LMF1: variants seen among roughly 807,000 people sequenced by gnomAD.
LMF1 encodes transmembrane protein 112.
A neutral mutation model predicts 60.6 loss-of-function variants in LMF1; 68 were observed. The observed-to-expected ratio is 1.12, with a 90% CI of 0.92 to 1.37. The LOEUF is 1.37. Ranked by LOEUF, LMF1 falls within the 40% of genes most tolerant of loss-of-function variation. The probability of loss-of-function intolerance (pLI) is 0.00; values close to 1 mark genes in which losing one functional copy is unlikely to be tolerated. For synonymous variants in LMF1, 418 were observed against 324.7 expected, an observed-to-expected ratio of 1.29 and a Z score of -3.09; for missense variants, 948 against 767.2, an observed-to-expected ratio of 1.24 and a Z score of -2.78.
intron 3 of LMF1, chr16:931,823 G>A (rs1277469887): frequency 7.9e-7 from 1 of 1,273,040 alleles, no homozygotes; most frequent in Admixed American, 2.3e-5. Flanking sequence ...ATGAAACTCA[G>A]GCTCACGAGG....
Position 854,126 on chromosome 16 carries a change from G to C in LMF1, c.*406C>G. On this transcript the variant is annotated 3_prime_UTR_variant, in exon 11 of 11. Coordinates refer to ENST00000262301, the MANE Select transcript of LMF1 (RefSeq NM_022773.4). Reference sequence around the variant, plus strand: ...GGAACACACCATTGAAGAGGGAACAGAAACCAGGCCCTGGGACGCTAGAGA... The same window carrying C: ...GGAACACACCATTGAAGAGGGAACACAAACCAGGCCCTGGGACGCTAGAGA... 1 of 465,734 alleles carries C rather than the reference G, an allele frequency of 2.1e-6. No individual in the cohort carries two copies. The highest frequency in any genetic ancestry group is 4.3e-6 in the Non-Finnish European group (1 of 234,946). 28.9% of individuals were successfully genotyped at this position (465,734 alleles called of 1,614,324 possible).
rs560472318 is a variant in LMF1, at chr16:862,845, G to C, written c.1529+6099C>G. Among the ~76,000 whole-genome samples the C allele has an allele frequency of 5.9e-5, 9 of 152,288 alleles. No individual in the cohort carries two copies. The South Asian group carries it at 8.3e-4, about 14-fold the overall frequency. On this transcript the variant is annotated intron_variant, in intron 10 of 10. Coordinates refer to ENST00000262301, the MANE Select transcript of LMF1 (RefSeq NM_022773.4). ...TGCACTCCAGCCTGGGTGACAGAGA[G>C]TGAGAACCTGTCTCAAAAAATAAAT...
In LMF1 at chr16:955,131, A is replaced by G. The variant is rs1371102675; in HGVS notation, c.194-465T>C. Among the ~76,000 whole-genome samples the G allele has an allele frequency of 6.2e-5, 9 of 145,868 alleles. 1 individual carries two copies. Among genetic ancestry groups the G allele is most frequent in the Non-Finnish European group, 1.0e-4 (7 of 67,034 alleles). On this transcript the variant is annotated intron_variant, in intron 1 of 10. Coordinates refer to ENST00000262301, the MANE Select transcript of LMF1 (RefSeq NM_022773.4). ...ACACACACACACATCTAAGTAAACT[A>G]GACAAGTTACATAAAATGCGTGCCT...
chr16:870,052 C>T lies in LMF1; in HGVS notation c.1247G>A (p.Arg416Gln), dbSNP rs762640109. 1.9e-5 allele frequency: 31 copies of T among 1,609,622 alleles called. No homozygotes were observed. The highest frequency in any genetic ancestry group is 4.5e-5 in the East Asian group (2 of 44,878). ...YGAFGSITKERAEVILQGTAS... is the reference protein window; with the variant it reads ...YGAFGSITKEQAEVILQGTAS... ...TGTGCCCTGCAGGATCACCTCCGCCCGCTCCTTGGTGATGCTGCCGGGAGA... is the reference window on the plus strand; with the variant it reads ...TGTGCCCTGCAGGATCACCTCCGCCTGCTCCTTGGTGATGCTGCCGGGAGA... Residue 416 changes from arginine to glutamine, a missense_variant, in exon 9 of 11, where the codon CGG becomes CAG. Coordinates refer to ENST00000262301, the MANE Select transcript of LMF1 (RefSeq NM_022773.4).
chr16:854,980 C>T lies in LMF1; in HGVS notation c.1530-274G>A, dbSNP rs1021187533. The T allele has an allele frequency of 5.9e-5, 32 of 545,864 alleles. No individual in the cohort carries two copies. The Admixed American group carries it at 9.6e-4, about 16-fold the overall frequency. The allele number at this position is 545,864 out of a possible 1,614,324, so 33.8% of individuals were successfully genotyped here. Reference sequence around the variant, plus strand: ...GGGAGACCCAGCAGGGCCCACTTGGCAGAGGGACCGGCCCGGGGAAGGCCA... The same window carrying T: ...GGGAGACCCAGCAGGGCCCACTTGGTAGAGGGACCGGCCCGGGGAAGGCCA... On this transcript the variant is annotated intron_variant, in intron 10 of 10. Transcript: ENST00000262301.
chr16:919,824 G>A (rs1326446237), intron 3 of LMF1, among the ~76,000 whole-genome samples: 1 of 152,136 alleles, frequency 6.6e-6, no homozygotes, highest in East Asian at 1.9e-4. Context: ...GAACGTGGGG[G>A]TGAGGGTGAA....
intron 3 of LMF1, among the ~76,000 whole-genome samples, chr16:915,673 GCA>G (rs2071259466): frequency 2.0e-5 from 3 of 152,342 alleles, no homozygotes; most frequent in Admixed American, 2.0e-4. Flanking sequence ...GGGACAGGGT[GCA>G]GTGCTGGCCA....
intron 4 of LMF1, among the ~76,000 whole-genome samples, chr16:906,319 G>C (rs1005154521): frequency 6.6e-6 from 1 of 152,188 alleles, no homozygotes; most frequent in African/African-American, 2.4e-5. Context: ...TGTCTGTGAG[G>C]GTGTTGCCAG....
At chr16:919,753 G>T (rs2071383093) in intron 3 of LMF1, among the ~76,000 whole-genome samples, 1 of 152,058 alleles carries the variant, frequency 6.6e-6, no homozygotes, top group African/African-American at 2.4e-5. Context: ...AGAGGACTGG[G>T]TTTCAGCTAC....
At position 882,110 on chromosome 16, in the gene LMF1, C is replaced by T. The variant is rs752611051; in HGVS notation, c.730-2373G>A. On this transcript the variant is annotated intron_variant, in intron 5 of 10. Transcript: ENST00000262301. ...AAAGGGCCACAGCAGGGACACAGTG[C>T]GATGCCTTTGTGGACGTGGAACCCC... Among the ~76,000 whole-genome samples, 82 of 152,174 alleles carry T rather than the reference C, an allele frequency of 5.4e-4. 1 individual carries two copies. The highest frequency in any genetic ancestry group is 3.1e-3 in the Admixed American group (48 of 15,278).
rs932094875 is a variant in LMF1 at position 874,037 on chromosome 16, G to A, written c.898-2696C>T. 6.6e-5 allele frequency among the ~76,000 whole-genome samples: 10 copies of A among 152,216 alleles called. No individual in the cohort carries two copies. The highest frequency in any genetic ancestry group is 3.8e-4 in the East Asian group (2 of 5,196). On this transcript the variant is annotated intron_variant, in intron 6 of 10. Transcript: ENST00000262301. The surrounding 1 kb of genome is among the most constrained non-coding windows in gnomAD (Gnocchi z 4.1). ...AGCTCCCAGTGGCTGGTGGAGGCCCGGCGGCGGGTGTGAGGGTCTCCTTTG... is the reference window on the plus strand; with the variant it reads ...AGCTCCCAGTGGCTGGTGGAGGCCCAGCGGCGGGTGTGAGGGTCTCCTTTG...
At chr16:918,824 C>T (rs538413032) in intron 3 of LMF1, among the ~76,000 whole-genome samples, 119 of 152,014 alleles carry the variant, frequency 7.8e-4, no homozygotes, top group Admixed American at 2.3e-3. Context: ...CCGACTCTCA[C>T]GCGGGGCCGG....
chr16:899,651 C>T (rs575090972), intron 4 of LMF1: 1 of 152,366 alleles, frequency 6.6e-6, no homozygotes, highest in South Asian at 2.1e-4. Context: ...AAAGTCAGGT[C>T]TTGATGTCGG....
At chr16:904,302 C>G (rs1445587196) in intron 4 of LMF1, among the ~76,000 whole-genome samples, 2 of 125,660 alleles carry the variant, frequency 1.6e-5, no homozygotes, top group Non-Finnish European at 3.4e-5. Context: ...GACCTCTGCA[C>G]TGCCTGTGGG....
chr16:966,406 A>G (rs1465870558), intron 1 of LMF1, among the ~76,000 whole-genome samples: 1 of 152,214 alleles, frequency 6.6e-6, no homozygotes, highest in Non-Finnish European at 1.5e-5. Flanking sequence ...CCACAAACAC[A>G]TGGACCGACA....
At chr16:964,793 C>T (rs947375537) in intron 1 of LMF1, among the ~76,000 whole-genome samples, 4 of 152,180 alleles carry the variant, frequency 2.6e-5, no homozygotes, top group East Asian at 1.9e-4. Context: ...TGTCATCTGA[C>T]GAGGATGCCA....
Position 897,118 on chromosome 16 carries a change from G to A in LMF1, c.664-4046C>T, listed in dbSNP as rs1291573888. 5.3e-5 allele frequency among the ~76,000 whole-genome samples: 8 copies of A among 152,168 alleles called. No homozygotes were observed. The highest frequency in any genetic ancestry group is 1.2e-4 in the Non-Finnish European group (8 of 68,034). ...AATGCCAGAACTTTCCAGGCCCATC[G>A]ACGATGTTCCCGCCTTGCAACGTGT... On this transcript the variant is annotated intron_variant, in intron 4 of 10. Coordinates refer to ENST00000262301, the MANE Select transcript of LMF1 (RefSeq NM_022773.4). The surrounding 1 kb of genome is among the most constrained non-coding windows in gnomAD (Gnocchi z 4.3).
intron 7 of LMF1, 112 bp downstream of exon 7, chr16:871,049 C>G: frequency 7.9e-6 from 11 of 1,399,654 alleles, no homozygotes; most frequent in Non-Finnish European, 1.0e-5. Context: ...CTGCGGACGG[C>G]GCTGACTCTC....
chr16:873,064 G>A (rs1467779035), intron 6 of LMF1: 2 of 152,290 alleles, frequency 1.3e-5, no homozygotes, highest in African/African-American at 4.8e-5. Flanking sequence ...CTGTTTCTAA[G>A]AAAGCTTCGG....
Sources: gnomAD v4.1 joint callset for allele counts (sites outside exome capture counted in the v4.1 genomes callset) on GRCh38, gnomAD v4.1.1 for gene constraint, Gnocchi (gnomAD v3.1) non-coding constraint, MANE v1.5 for transcripts, NCBI Gene and HGNC (gene_info 2026-07-23, HGNC 2026-07-21) for gene names.